RANBP2: variants seen among roughly 807,000 people sequenced by gnomAD.
RANBP2 encodes the protein E3 SUMO-protein ligase RanBP2.
A neutral mutation model predicts 303.6 loss-of-function variants in RANBP2; 57 were observed. The observed-to-expected ratio is 0.19, with a 90% CI of 0.15 to 0.23. The LOEUF (loss-of-function observed/expected upper bound fraction) is 0.23, where lower values mean the gene tolerates loss of function less well. RANBP2 is among the 10% of genes least tolerant of loss of function. The probability of loss-of-function intolerance (pLI) is 1.00; values close to 1 mark genes in which losing one functional copy is unlikely to be tolerated. For missense variants in RANBP2, 3,138 were observed against 3,780.8 expected, an observed-to-expected ratio of 0.83 and a Z score of 4.46; for synonymous variants, 1,167 against 1,301.5, an observed-to-expected ratio of 0.90 and a Z score of 2.23.
chr2:109,614,218 A>G, the RANBP2 span: 1 of 939,804 alleles, frequency 1.1e-6, no homozygotes, highest in Non-Finnish European at 1.4e-6. Flanking sequence ...GCGGGCCTTG[A>G]GGCGAGGCCG....
At chr2:109,532,562 C>T in the RANBP2 span, among the ~76,000 whole-genome samples, 3 of 152,058 alleles carry the variant, frequency 2.0e-5, no homozygotes, top group African/African-American at 4.8e-5. Context: ...GCCCTGACCC[C>T]GGTGAGGGCT....
chr2:109,314,359 G>A, the RANBP2 span, among the ~76,000 whole-genome samples: 3 of 152,174 alleles, frequency 2.0e-5, no homozygotes, highest in African/African-American at 7.2e-5. Context: ...AAATGGCTCC[G>A]TTGAAGGGTG....
chr2:108,764,357 A>G lies in RANBP2; in HGVS notation c.3818A>G (p.Asp1273Gly). 1 of 1,613,886 alleles carries G rather than the reference A, an allele frequency of 6.2e-7. No homozygotes were observed. Among genetic ancestry groups the G allele is most frequent in the Non-Finnish European group, 8.5e-7 (1 of 1,179,988 alleles). ...SFVWHALDYA[D>G]ELPKPEQLAI... ...GTATGGCATGCCCTTGATTATGCAG[A>G]TGAGTTGCCAAAACCAGAACAACTT... The change falls in exon 20 of 29, where the codon GAT becomes GGT. Residue 1273 changes from aspartate (D) to glycine (G), a missense_variant. Asp to Gly is a moderately conservative substitution (Grantham distance 94). Around this residue, in one of 20 missense-constraint regions of RANBP2, gnomAD observed 72 missense variants for 119.5 expected, o/e 0.60. Transcript: ENST00000283195.
At chr2:109,399,359 G>A in the RANBP2 span, among the ~76,000 whole-genome samples, 2 of 152,134 alleles carry the variant, frequency 1.3e-5, no homozygotes, top group Admixed American at 6.5e-5. Context: ...AGGAGTCAGA[G>A]CTCAGAATCA....
chr2:108,772,757 T>C, intron 22 of RANBP2, 111 bp from the exon 23 acceptor site: 1 of 1,262,960 alleles, frequency 7.9e-7, no homozygotes, highest in Non-Finnish European at 1.1e-6. Context: ...TTTTCATTAG[T>C]ATGTACAGGT....
chr2:108,758,408 A>G lies in RANBP2; in HGVS notation c.2467-5A>G, dbSNP rs547917578. 1.2e-6 allele frequency: 2 copies of G among 1,611,634 alleles called. No homozygotes were observed. Among genetic ancestry groups the G allele is most frequent in the Non-Finnish European group, 1.7e-6 (2 of 1,179,796 alleles). ...AAATTATTTGATTTTTTTTTCTTCC[A>G]ATAGAAAGAAATGCAGGAGTTGAAA... On this transcript the variant is annotated splice_polypyrimidine_tract_variant and splice_region_variant and intron_variant, in intron 17 of 28. Coordinates refer to ENST00000283195, the MANE Select transcript of RANBP2 (RefSeq NM_006267.5).
At chr2:108,820,144 A>G in the RANBP2 span, among the ~76,000 whole-genome samples, 1 of 152,244 alleles carries the variant, frequency 6.6e-6, no homozygotes, top group Non-Finnish European at 1.5e-5. Context: ...ACAGTGGCTT[A>G]CACCTGTAAT....
At chr2:109,090,047 G>C in the RANBP2 span, among the ~76,000 whole-genome samples, 6 of 152,064 alleles carry the variant, frequency 3.9e-5, no homozygotes, top group African/African-American at 1.4e-4. Flanking sequence ...CATAATAAGA[G>C]AAAAAGGAGC....
the RANBP2 span, among the ~76,000 whole-genome samples, chr2:109,476,265 G>A: frequency 6.6e-6 from 1 of 152,210 alleles, no homozygotes; most frequent in African/African-American, 2.4e-5. Flanking sequence ...TCCAGACACA[G>A]TGGGGTTGTG....
At chr2:108,978,075 G>A in the RANBP2 span, among the ~76,000 whole-genome samples, 5 of 152,204 alleles carry the variant, frequency 3.3e-5, no homozygotes, top group Non-Finnish European at 7.3e-5. Context: ...AAATGGCACT[G>A]ACATAGGGAA....
the RANBP2 span, among the ~76,000 whole-genome samples, chr2:109,434,737 G>A: frequency 1.3e-5 from 2 of 152,340 alleles, no homozygotes; most frequent in East Asian, 1.9e-4. Flanking sequence ...AGTTCTACAG[G>A]CATTCAGGAT....
At chr2:109,396,082 G>A in the RANBP2 span, among the ~76,000 whole-genome samples, 9 of 152,188 alleles carry the variant, frequency 5.9e-5, no homozygotes, top group Admixed American at 4.6e-4. Context: ...TGAGTGAGAC[G>A]AATGGAGGAC....
the RANBP2 span, among the ~76,000 whole-genome samples, chr2:109,524,467 CA>C: frequency 2.8e-5 from 3 of 105,812 alleles, no homozygotes; most frequent in African/African-American, 9.9e-5. Context: ...AAAAAAAAAA[CA>C]AAACAACACT....
the RANBP2 span, chr2:108,894,704 T>A: frequency 6.6e-6 from 1 of 152,388 alleles, no homozygotes; most frequent in Non-Finnish European, 1.5e-5. Context: ...TTGTTCTGAA[T>A]CCCATAACAT....
the RANBP2 span, among the ~76,000 whole-genome samples, chr2:109,622,892 C>T: frequency 6.6e-6 from 1 of 152,212 alleles, no homozygotes; most frequent in Admixed American, 6.5e-5. Flanking sequence ...ATTTGGGAGG[C>T]TGAGGCAGGT....
the RANBP2 span, among the ~76,000 whole-genome samples, chr2:109,453,639 C>CATGAGG: frequency 6.6e-6 from 1 of 152,214 alleles, no homozygotes; most frequent in African/African-American, 2.4e-5. Flanking sequence ...TTGCAAAGAG[C>CATGAGG]ATGAGGATGT....
the RANBP2 span, among the ~76,000 whole-genome samples, chr2:108,908,386 C>T: frequency 1.3e-5 from 2 of 152,188 alleles, no homozygotes; most frequent in South Asian, 4.1e-4. Context: ...TATTTAATCC[C>T]AGTAAGCACC....
chr2:109,705,917 C>T, the RANBP2 span, among the ~76,000 whole-genome samples: 1 of 151,876 alleles, frequency 6.6e-6, no homozygotes, highest in South Asian at 2.1e-4. Flanking sequence ...CAAAAAATAA[C>T]AGTTTCCACC....
At chr2:109,298,246 A>G in the RANBP2 span, among the ~76,000 whole-genome samples, 1 of 152,184 alleles carries the variant, frequency 6.6e-6, no homozygotes, top group Non-Finnish European at 1.5e-5. Flanking sequence ...AGGCAGGAGC[A>G]TGATCTCAGC....
Sources: allele counts gnomAD v4.1 joint callset (sites outside exome capture counted in the v4.1 genomes callset), GRCh38; gene constraint gnomAD v4.1.1; regional missense constraint gnomAD v4.1.1; transcripts MANE v1.5; gene names NCBI Gene and HGNC (gene_info 2026-07-23, HGNC 2026-07-21).